The following ZDHHC14 variants were observed in gnomAD, a reference collection of about 807,000 sequenced individuals.
ZDHHC14 encodes the protein zDHHC palmitoyltransferase 14, also known as palmitoyltransferase ZDHHC14.
Under a neutral mutation model 47.7 loss-of-function variants are expected in ZDHHC14, and 16 were observed. That is an observed-to-expected ratio of 0.34 (90% CI 0.23 to 0.51). The LOEUF (loss-of-function observed/expected upper bound fraction) is 0.51. Among genes scored for constraint, ZDHHC14 ranks in the 20% least tolerant of loss-of-function variants. The pLI, the probability that ZDHHC14 is intolerant of heterozygous loss-of-function variation, is 0.97. For synonymous variants in ZDHHC14, 293 were observed against 278.9 expected, an observed-to-expected ratio of 1.05 and a Z score of -0.50; for missense variants, 515 against 662.5, an observed-to-expected ratio of 0.78 and a Z score of 2.44.
At chr6:157,473,101 T>G (rs971629217) in intron 1 of ZDHHC14, among the ~76,000 whole-genome samples, 1 of 152,268 alleles carries the variant, frequency 6.6e-6, no homozygotes, top group African/African-American at 2.4e-5. Context: ...ATGTATGCAC[T>G]GTGGAATGAT....
intron 1 of ZDHHC14, among the ~76,000 whole-genome samples, chr6:157,392,581 C>T (rs141808516): frequency 1.3e-3 from 195 of 151,842 alleles, no homozygotes; most frequent in African/African-American, 4.4e-3. Flanking sequence ...TTCTAGTCTT[C>T]GGTGCTTACC....
intron 7 of ZDHHC14, among the ~76,000 whole-genome samples, chr6:157,652,797 A>C (rs1306098962): frequency 6.6e-6 from 1 of 152,178 alleles, no homozygotes; most frequent in Non-Finnish European, 1.5e-5. Flanking sequence ...TCTAATCCCC[A>C]TCTCTGTGTG....
In ZDHHC14 at chr6:157,382,267, G is replaced by A; in HGVS notation, c.245+1G>A. On this transcript the variant is annotated splice_donor_variant, in intron 1 of 8. Coordinates refer to ENST00000359775, the MANE Select transcript of ZDHHC14 (RefSeq NM_024630.3). LOFTEE classifies it high-confidence loss of function. ...CTAGCGGACTCTTCTTCGCCTTCGA[G>A]TAAGTGGTGGCGACCGCTCCCCCGA... 1 of 1,610,198 alleles carries A rather than the reference G, an allele frequency of 6.2e-7. No homozygotes were observed. The highest frequency in any genetic ancestry group is 8.5e-7 in the Non-Finnish European group (1 of 1,178,382).
intron 1 of ZDHHC14, among the ~76,000 whole-genome samples, chr6:157,407,204 T>TTGGGCTGCTGGGTTGC (rs1777782083): frequency 6.6e-6 from 1 of 152,170 alleles, no homozygotes; most frequent in African/African-American, 2.4e-5. Context: ...AGATACGGAC[T>TTGGGCTGCTGGGTTGC]TGGGCTGCTG....
intron 1 of ZDHHC14, among the ~76,000 whole-genome samples, chr6:157,500,311 G>A (rs898836411): frequency 6.6e-6 from 1 of 152,196 alleles, no homozygotes; most frequent in African/African-American, 2.4e-5. Flanking sequence ...GAGTGAGTGG[G>A]AGGAAGAGGA....
At chr6:157,558,783 TAA>T (rs3056793) in intron 2 of ZDHHC14, among the ~76,000 whole-genome samples, 8,067 of 144,054 alleles carry the variant, frequency 0.056, 244 homozygotes, top group Admixed American at 0.073. Flanking sequence ...ACTTTGGTGG[TAA>T]AAAAAAAAAA....
chr6:157,531,309 G>A (rs143717686), intron 1 of ZDHHC14, among the ~76,000 whole-genome samples: 24 of 152,022 alleles, frequency 1.6e-4, no homozygotes, highest in African/African-American at 4.1e-4. Flanking sequence ...CGGACATGCC[G>A]TTCCAGAGTC....
intron 1 of ZDHHC14, among the ~76,000 whole-genome samples, chr6:157,539,480 G>C (rs1216740443): frequency 6.6e-6 from 1 of 152,132 alleles, no homozygotes; most frequent in Non-Finnish European, 1.5e-5. Flanking sequence ...AAGACAAAGA[G>C]GGCTTCTGAG....
At chr6:157,544,445 T>C (rs1005266554) in intron 2 of ZDHHC14, among the ~76,000 whole-genome samples, 1 of 152,060 alleles carries the variant, frequency 6.6e-6, no homozygotes, top group Non-Finnish European at 1.5e-5. Flanking sequence ...GTCAGGAGTT[T>C]GAGACCAGCC....
At chr6:157,449,574 A>G (rs1778755457) in intron 1 of ZDHHC14, among the ~76,000 whole-genome samples, 2 of 152,196 alleles carry the variant, frequency 1.3e-5, no homozygotes, top group African/African-American at 4.8e-5. Context: ...GTAGCCACCC[A>G]TCTGCTGTCA....
chr6:157,438,685 T>G (rs935307826), intron 1 of ZDHHC14, among the ~76,000 whole-genome samples: 5 of 152,260 alleles, frequency 3.3e-5, no homozygotes, highest in Non-Finnish European at 5.9e-5. Context: ...TTCCTTCCAC[T>G]GTACCACAAG....
At position 157,427,306 on chromosome 6, in the gene ZDHHC14, G is replaced by A. The variant is rs1299831622; in HGVS notation, c.245+45040G>A. 1.3e-5 allele frequency among the ~76,000 whole-genome samples: 2 copies of A among 152,198 alleles called. No homozygotes were observed. The highest frequency in any genetic ancestry group is 4.8e-5 in the African/African-American group (2 of 41,436). ...CATAATACAGCAAGTGGGCAGAGAT[G>A]TGAGGGTTGGGGTCTCAGCGTTTGG... On this transcript the variant is annotated intron_variant, in intron 1 of 8. Transcript: ENST00000359775. The surrounding 1 kb of genome is among the most constrained non-coding windows in gnomAD (Gnocchi z 4.4).
chr6:157,399,006 G>C (rs1281234174), intron 1 of ZDHHC14, among the ~76,000 whole-genome samples: 3 of 152,190 alleles, frequency 2.0e-5, no homozygotes, highest in Non-Finnish European at 4.4e-5. Context: ...AAATAATTAA[G>C]ACGTTTATGA....
At chr6:157,632,631 G>A (rs567093777) in intron 4 of ZDHHC14, 94 of 617,508 alleles carry the variant, frequency 1.5e-4, no homozygotes, top group Admixed American at 1.2e-3. Flanking sequence ...CAGATGTTGG[G>A]CCTAATTATG....
chr6:157,603,617 C>T (rs1363265348), intron 3 of ZDHHC14, among the ~76,000 whole-genome samples: 1 of 152,158 alleles, frequency 6.6e-6, no homozygotes, highest in Non-Finnish European at 1.5e-5. Flanking sequence ...ATTACAAGCA[C>T]CCTCAAAAAC....
intron 1 of ZDHHC14, among the ~76,000 whole-genome samples, chr6:157,408,560 C>G (rs1393449519): frequency 6.6e-6 from 1 of 152,194 alleles, no homozygotes; most frequent in Non-Finnish European, 1.5e-5. Context: ...GTTCGGTTCT[C>G]TGTTCCTGCA....
At chr6:157,589,299 C>T (rs978286515) in intron 2 of ZDHHC14, among the ~76,000 whole-genome samples, 3 of 152,132 alleles carry the variant, frequency 2.0e-5, no homozygotes, top group Non-Finnish European at 4.4e-5. Context: ...CCACCAGGCC[C>T]CTCCTCTGAC....
chr6:157,562,266 A>G (rs1217024883), intron 2 of ZDHHC14, among the ~76,000 whole-genome samples: 1 of 152,202 alleles, frequency 6.6e-6, no homozygotes, highest in Non-Finnish European at 1.5e-5. Flanking sequence ...GCCCTGGGCA[A>G]TGAAGGGCAG....
chr6:157,400,186 C>T (rs1344877835), intron 1 of ZDHHC14, among the ~76,000 whole-genome samples: 1 of 152,176 alleles, frequency 6.6e-6, no homozygotes, highest in Non-Finnish European at 1.5e-5. Context: ...CAGTGGAGGT[C>T]CCACTCACAG....
Sources: allele counts gnomAD v4.1 joint callset (sites outside exome capture counted in the v4.1 genomes callset), GRCh38; gene constraint gnomAD v4.1.1; non-coding constraint Gnocchi (gnomAD v3.1); transcripts MANE v1.5; gene names NCBI Gene and HGNC (gene_info 2026-07-23, HGNC 2026-07-21).